Variants in MYO18B observed in about 807,000 individuals in gnomAD.
MYO18B encodes the protein unconventional myosin-XVIIIb.
A neutral mutation model predicts 273.0 loss-of-function variants in MYO18B; 204 were observed. That is an observed-to-expected ratio of 0.75 (90% confidence interval 0.67 to 0.84). The LOEUF is 0.84. MYO18B is among the 40% of genes least tolerant of loss of function. The probability of loss-of-function intolerance (pLI) is 0.00; values close to 1 mark genes in which losing one functional copy is unlikely to be tolerated. For synonymous variants in MYO18B, 1,330 were observed against 1,305.7 expected (o/e 1.02, Z -0.40); for missense variants, 3,212 against 3,287.6 (o/e 0.98, Z 0.56).
chr22:26,061,799 CCA>C, the MYO18B span, among the ~76,000 whole-genome samples: 17 of 152,032 alleles, frequency 1.1e-4, no homozygotes, highest in African/African-American at 3.9e-4. Flanking sequence ...CTCACTCCTA[CCA>C]CAGATTGTTT....
intron 12 of MYO18B, among the ~76,000 whole-genome samples, chr22:25,803,151 G>A (rs1161231614): frequency 6.6e-6 from 1 of 151,606 alleles, no homozygotes; most frequent in Non-Finnish European, 1.5e-5. Context: ...TTTTAGTAGA[G>A]ACGGGGTTTC....
At chr22:25,853,667 T>A (rs2090488116) in intron 21 of MYO18B, among the ~76,000 whole-genome samples, 1 of 152,116 alleles carries the variant, frequency 6.6e-6, no homozygotes, top group Non-Finnish European at 1.5e-5. Context: ...TGGGGGAGTT[T>A]TTTTGTGGAG....
chr22:25,893,546 T>G (rs1380575325), intron 27 of MYO18B, among the ~76,000 whole-genome samples: 1 of 152,246 alleles, frequency 6.6e-6, no homozygotes, highest in East Asian at 1.9e-4. Flanking sequence ...TTTCTGCTGC[T>G]GCTTCTTACT....
intron 12 of MYO18B, among the ~76,000 whole-genome samples, chr22:25,821,756 G>A (rs996810940): frequency 6.6e-6 from 1 of 152,210 alleles, no homozygotes; most frequent in South Asian, 2.1e-4. Flanking sequence ...CAGCCTGGGC[G>A]AGAGTGAGAC....
At chr22:26,029,319 G>T (rs11912784) in intron 43 of MYO18B, among the ~76,000 whole-genome samples, 3,853 of 152,186 alleles carry the variant, frequency 0.025, 158 homozygotes, top group African/African-American at 0.088. Context: ...TGAGGCACAC[G>T]TCCTCTATTT....
At position 25,823,497 on chromosome 22, in the gene MYO18B, C is replaced by T; in HGVS notation, c.2522-8C>T. 1 of 1,613,566 alleles carries T rather than the reference C, an allele frequency of 6.2e-7. No homozygotes were observed. The highest frequency in any genetic ancestry group is 8.5e-7 in the Non-Finnish European group (1 of 1,179,662). ...CACTGCCACGCCTCTGTTTTGTCCC[C>T]TTTGCAGTGGGTCGGAAGCAGTTCA... On this transcript the variant is annotated splice_region_variant and splice_polypyrimidine_tract_variant and intron_variant, in intron 12 of 43. Transcript: ENST00000335473.
chr22:25,846,988 G>C (rs1048927022), intron 19 of MYO18B, among the ~76,000 whole-genome samples: 1 of 151,900 alleles, frequency 6.6e-6, no homozygotes, highest in Non-Finnish European at 1.5e-5. Context: ...GCTGAGGCAG[G>C]AGAATTGCTT....
chr22:25,850,202 G>A (rs942084330), intron 20 of MYO18B, among the ~76,000 whole-genome samples: 6 of 152,212 alleles, frequency 3.9e-5, no homozygotes, highest in Admixed American at 1.3e-4. Context: ...AGTCTCAAAA[G>A]TGGAGTGAGA....
Position 25,863,888 on chromosome 22 carries a change from A to C in MYO18B, c.3886-4432A>C, listed in dbSNP as rs1159271591. On this transcript the variant is annotated intron_variant, in intron 21 of 43. Transcript: ENST00000335473. Reference sequence around the variant, plus strand: ...TGGAGCCAGGAATATGTGGGAACTTATCAAGCCCACTGTGGCTGTCCTATT... The same window carrying C: ...TGGAGCCAGGAATATGTGGGAACTTCTCAAGCCCACTGTGGCTGTCCTATT... Among the ~76,000 whole-genome samples, 4 of 152,228 alleles carry C rather than the reference A, an allele frequency of 2.6e-5. No homozygotes were observed. The East Asian group carries it at 7.7e-4, about 29-fold the overall frequency.
chr22:25,806,976 A>G (rs1601753547), intron 12 of MYO18B, among the ~76,000 whole-genome samples: 1 of 152,348 alleles, frequency 6.6e-6, no homozygotes, highest in South Asian at 2.1e-4. Flanking sequence ...ATAAATGTTT[A>G]GTACTTGGCA....
intron 1 of MYO18B, among the ~76,000 whole-genome samples, chr22:25,758,322 T>G (rs1216007454): frequency 6.6e-6 from 1 of 151,850 alleles, no homozygotes; most frequent in Non-Finnish European, 1.5e-5. Context: ...GGAAAGTTTT[T>G]TTTTTTTTTT....
intron 34 of MYO18B, among the ~76,000 whole-genome samples, chr22:25,928,498 T>G (rs768463772): frequency 1.3e-5 from 2 of 151,390 alleles, no homozygotes; most frequent in Non-Finnish European, 2.9e-5. Context: ...ACAGTTTCCC[T>G]TAGCTACAGC....
chr22:25,809,300 T>C (rs1476675645), intron 12 of MYO18B, among the ~76,000 whole-genome samples: 1 of 152,120 alleles, frequency 6.6e-6, no homozygotes, highest in African/African-American at 2.4e-5. Context: ...GATGTGCATC[T>C]CCCTGGAGAA....
chr22:25,907,947 C>T (rs2092078345), intron 31 of MYO18B, among the ~76,000 whole-genome samples: 3 of 150,848 alleles, frequency 2.0e-5, no homozygotes, highest in Admixed American at 1.3e-4. Context: ...GCAGGAGAAT[C>T]GCTTAAAGCC....
At chr22:25,747,319 A>G (rs2085809905) in intron 1 of MYO18B, among the ~76,000 whole-genome samples, 1 of 152,232 alleles carries the variant, frequency 6.6e-6, no homozygotes, top group Admixed American at 6.5e-5. Context: ...CGTGCCAGAC[A>G]TTGCTAGTCA....
intron 12 of MYO18B, among the ~76,000 whole-genome samples, chr22:25,821,039 G>C (rs1432778984): frequency 6.6e-6 from 1 of 152,142 alleles, no homozygotes; most frequent in Non-Finnish European, 1.5e-5. Context: ...GTATTCCATT[G>C]TGTATATATA....
chr22:25,910,809 A>G (rs1601550568), intron 32 of MYO18B, 137 bp from the exon 33 acceptor site: 2 of 670,510 alleles, frequency 3.0e-6, no homozygotes, highest in East Asian at 5.5e-5. Flanking sequence ...AGACACTACC[A>G]CCCAATCACT....
Position 26,027,241 on chromosome 22 carries a change from C to G in MYO18B, c.7267C>G (p.Pro2423Ala). Residue 2423 changes from proline to alanine, a missense_variant, in exon 43 of 44, where the codon CCA becomes GCA. Pro to Ala is a conservative substitution (Grantham distance 27). Transcript: ENST00000335473. This position sits in a 1 kb window ranked among gnomAD's most constrained non-coding sequence, Gnocchi z 4.1. ...GATGGAGGAACCTCTAGGCAGTGAC[C>G]CATTCAGCTGGAAACTCCCAAGCCT... ...HLMEEPLGSD[P>A]FSWKLPSLDY... 6.2e-7 allele frequency: 1 copy of G among 1,613,962 alleles called. No individual in the cohort carries two copies. The highest frequency in any genetic ancestry group is 8.5e-7 in the Non-Finnish European group (1 of 1,179,890).
At chr22:25,789,669 C>T (rs5996976) in intron 11 of MYO18B, among the ~76,000 whole-genome samples, 139,627 of 151,534 alleles carry the variant, frequency 0.92, 64,994 homozygotes, top group Non-Finnish European at 0.99. Flanking sequence ...TACATACTTC[C>T]TATGGAGAAA....
Sources: allele counts gnomAD v4.1 joint callset (sites outside exome capture counted in the v4.1 genomes callset), GRCh38; gene constraint gnomAD v4.1.1; non-coding constraint Gnocchi (gnomAD v3.1); transcripts MANE v1.5; gene names NCBI Gene and HGNC (gene_info 2026-07-23, HGNC 2026-07-21).